The following SLC25A1 variants were observed in gnomAD, a reference collection of about 807,000 sequenced individuals.
SLC25A1 encodes the protein tricarboxylate transport protein, mitochondrial.
SLC25A1 carries 26 observed loss-of-function variants against 38.1 expected under a neutral mutation model. That is an observed-to-expected ratio of 0.68 (90% CI 0.50 to 0.95). SLC25A1 has a LOEUF of 0.95. Among genes scored for constraint, SLC25A1 ranks in the 40% least tolerant of loss-of-function variants. SLC25A1 has a pLI of 0.00. For synonymous variants in SLC25A1, 211 were observed against 183.2 expected, an observed-to-expected ratio of 1.15 and a Z score of -1.23; for missense variants, 378 against 426.6, an observed-to-expected ratio of 0.89 and a Z score of 1.00.
chr22:19,176,872 A>G lies in SLC25A1; in HGVS notation c.605T>C (p.Met202Thr), dbSNP rs782335811. 11 of 1,613,752 alleles carry G rather than the reference A, an allele frequency of 6.8e-6. No individual in the cohort carries two copies. The highest frequency in any genetic ancestry group is 7.6e-6 in the Non-Finnish European group (9 of 1,179,998). Reference protein sequence around the residue: ...GSNQAIRFFVMTSLRNWYRGD... With the variant: ...GSNQAIRFFVTTSLRNWYRGD... ...TCGGTACCAGTTGCGCAGGGAGGTCATGACGAAGAAGCGGATGGCCTGGTT... is the reference window on the plus strand; with the variant it reads ...TCGGTACCAGTTGCGCAGGGAGGTCGTGACGAAGAAGCGGATGGCCTGGTT... Residue 202 changes from methionine to threonine, a missense_variant, in exon 6 of 9, where the codon ATG becomes ACG. By Grantham distance (81) the Met-to-Thr change is moderately conservative. Transcript: ENST00000215882.
In SLC25A1 at chr22:19,178,541, G is replaced by C. The variant is rs1243758854; in HGVS notation, c.94+39C>G. ...CTCAGCGTCCCGGGCCCACCCAGAA[G>C]CGCGGCGGGAGAGGGGTCCGCGTCC... On this transcript the variant is annotated intron_variant, in intron 1 of 8. Coordinates refer to ENST00000215882, the MANE Select transcript of SLC25A1 (RefSeq NM_005984.5). The surrounding 1 kb of genome is among the most constrained non-coding windows in gnomAD (Gnocchi z 4.9). The C allele has an allele frequency of 5.5e-6, 7 of 1,264,368 alleles. No homozygotes were observed. In the African/African-American group the frequency reaches 7.8e-5, roughly 14 times the overall value. The allele number at this position is 1,264,368 out of a possible 1,614,324, so 78.3% of individuals were successfully genotyped here. A position where few individuals can be genotyped will look rare whatever the true frequency, so the allele number is the denominator to read the frequency against.
intron 5 of SLC25A1, 65 bp downstream of exon 5, chr22:19,177,055 A>T: frequency 6.3e-7 from 1 of 1,579,380 alleles, no homozygotes. Context: ...GCAGGATGGG[A>T]GGTGCAGGCC....
At chr22:19,177,294 G>A in intron 4 of SLC25A1, 90 bp from the exon 5 acceptor site, 1 of 1,019,052 alleles carries the variant, frequency 9.8e-7, no homozygotes, top group Non-Finnish European at 1.5e-6. Flanking sequence ...CCAGGGTGGA[G>A]GGAACTGGGA....
rs1301368935 is a variant in SLC25A1, at chr22:19,178,577, C to G, written c.94+3G>C. On this transcript the variant is annotated splice_donor_region_variant and intron_variant, in intron 1 of 8. Transcript: ENST00000215882. The surrounding 1 kb of genome is among the most constrained non-coding windows in gnomAD (Gnocchi z 4.9). ...GAGGGGTCCGCGTCCCGGAGGGGCCCACCTGCCAGGATCGCCTTCCCCGGG... is the reference window on the plus strand; with the variant it reads ...GAGGGGTCCGCGTCCCGGAGGGGCCGACCTGCCAGGATCGCCTTCCCCGGG... 2.4e-6 allele frequency: 3 copies of G among 1,226,086 alleles called. No homozygotes were observed. Among genetic ancestry groups the G allele is most frequent in the Non-Finnish European group, 3.0e-6 (3 of 983,684 alleles). The allele number at this position is 1,226,086 out of a possible 1,614,324, so 76.0% of individuals were successfully genotyped here. A position where few individuals can be genotyped will look rare whatever the true frequency, so the allele number is the denominator to read the frequency against.
rs186667801 is a variant in SLC25A1, at chr22:19,177,438, T to C, written c.442-234A>G. Among the ~76,000 whole-genome samples, 425 of 152,292 alleles carry C rather than the reference T, an allele frequency of 2.8e-3. 1 individual carries two copies. The highest frequency in any genetic ancestry group is 9.8e-3 in the African/African-American group (407 of 41,566). ...GCCCTGTGAGCAGCCTCTCCCTTTA[T>C]GTTTGCTGCTCTTTTCCAGTTTTGG... On this transcript the variant is annotated intron_variant, in intron 4 of 8. Coordinates refer to ENST00000215882, the MANE Select transcript of SLC25A1 (RefSeq NM_005984.5).
Position 19,176,603 on chromosome 22 carries a change from AGAG to A in SLC25A1, c.719_721del (p.Pro240del). 6.2e-7 allele frequency: 1 copy of A among 1,613,760 alleles called. No homozygotes were observed. The highest frequency in any genetic ancestry group is 8.5e-7 in the Non-Finnish European group (1 of 1,179,896). On this transcript the variant is annotated inframe_deletion, in exon 7 of 9. Coordinates refer to ENST00000215882, the MANE Select transcript of SLC25A1 (RefSeq NM_005984.5). ...CTGCATCCGGGTCTTAATCACATCC[AGAG>A]GAGTGTTTCCAAAGACACTGGCTGC...
chr22:19,175,987 A>T lies in SLC25A1; in HGVS notation c.*143T>A, dbSNP rs536207008. ...ACCACAGGGGGGACACATGGATTTG[A>T]CAGCCACAATGCACAGACCAGGCTA... On this transcript the variant is annotated 3_prime_UTR_variant, in exon 9 of 9. Transcript: ENST00000215882. 13 of 567,440 alleles carry T rather than the reference A, an allele frequency of 2.3e-5. No homozygotes were observed. The East Asian group carries it at 4.7e-4, about 21-fold the overall frequency. 35.2% of individuals were successfully genotyped at this position (567,440 alleles called of 1,614,324 possible). A position where few individuals can be genotyped will look rare whatever the true frequency, so the allele number is the denominator to read the frequency against.
rs2084007141 is a variant in SLC25A1, at chr22:19,178,405, C to T, written c.95-165G>A. 1.4e-6 allele frequency: 2 copies of T among 1,390,734 alleles called. No homozygotes were observed. The highest frequency in any genetic ancestry group is 1.9e-6 in the Non-Finnish European group (2 of 1,076,974). 86.1% of individuals were successfully genotyped at this position (1,390,734 alleles called of 1,614,324 possible). A position where few individuals can be genotyped will look rare whatever the true frequency, so the allele number is the denominator to read the frequency against. On this transcript the variant is annotated intron_variant, in intron 1 of 8. Coordinates refer to ENST00000215882, the MANE Select transcript of SLC25A1 (RefSeq NM_005984.5). This position sits in a 1 kb window ranked among gnomAD's most constrained non-coding sequence, Gnocchi z 4.9. ...CCCTCACCCCGTTGTCCCGGCGAGG[C>T]GCAGGGGGTGACAGACGGGAGGCGG...
In SLC25A1 at chr22:19,176,805, C is replaced by T. The variant is rs781960133; in HGVS notation, c.631+41G>A. 1.7e-5 allele frequency: 28 copies of T among 1,605,806 alleles called. No homozygotes were observed. In the South Asian group the frequency reaches 3.1e-4, roughly 18 times the overall value. On this transcript the variant is annotated intron_variant, in intron 6 of 8. Coordinates refer to ENST00000215882, the MANE Select transcript of SLC25A1 (RefSeq NM_005984.5). Reference sequence around the variant, plus strand: ...GGTGGCCCCAAGGAGAGGAGAGGAGCTGGCCATGTGCAGAGATGGGGCCCT... The same window carrying T: ...GGTGGCCCCAAGGAGAGGAGAGGAGTTGGCCATGTGCAGAGATGGGGCCCT...
rs575420790 is a variant in SLC25A1, at chr22:19,176,213, G to T, written c.853C>A (p.Arg285=). The part of the protein sequence containing the change: ...FYKGTVPRLG[R]VCLDVAIVFV... ...ACTATGGCCACATCCAGGCAGACCC[G>T]GCCCAGGCGGGGGACAGTGCCCTTG... The change falls in exon 9 of 9, where the codon CGG becomes AGG. Residue 285 remains arginine, a synonymous_variant. Transcript: ENST00000215882. 16 of 1,613,380 alleles carry T rather than the reference G, an allele frequency of 9.9e-6. No individual in the cohort carries two copies. The highest frequency in any genetic ancestry group is 7.7e-5 in the South Asian group (7 of 91,080).
chr22:19,176,542 G>A (rs1411191068), intron 7 of SLC25A1, 36 bp downstream of exon 7: 12 of 1,611,276 alleles, frequency 7.4e-6, no homozygotes, highest in Non-Finnish European at 1.0e-5. Flanking sequence ...GCTCTGGCCT[G>A]GTCCCCCCTT....
Position 19,178,334 on chromosome 22 carries a change from G to A in SLC25A1, c.95-94C>T. 4.0e-6 allele frequency: 6 copies of A among 1,513,024 alleles called. No individual in the cohort carries two copies. The highest frequency in any genetic ancestry group is 2.5e-5 in the South Asian group (2 of 79,198). The allele number at this position is 1,513,024 out of a possible 1,614,324, so 93.7% of individuals were successfully genotyped here. ...CCGGACTTCGGTCGGCGCGGCCGCC[G>A]CGCCAGTGCCGCGGGGAACATAGGC... is the stretch of plus-strand genomic sequence containing the variant. On this transcript the variant is annotated intron_variant, in intron 1 of 8. Transcript: ENST00000215882. The surrounding 1 kb of genome is among the most constrained non-coding windows in gnomAD (Gnocchi z 4.9).
At chr22:19,177,337 G>A (rs1601399380) in intron 4 of SLC25A1, 133 bp from the exon 5 acceptor site, 3 of 697,802 alleles carry the variant, frequency 4.3e-6, no homozygotes, top group South Asian at 3.6e-5. Flanking sequence ...AGCCAAGGCC[G>A]CCCTGGGCTG....
In SLC25A1 at chr22:19,176,411, C is replaced by G. The variant is rs1555922274; in HGVS notation, c.821+10G>C. 3 of 1,613,180 alleles carry G rather than the reference C, an allele frequency of 1.9e-6. No homozygotes were observed. The highest frequency in any genetic ancestry group is 2.5e-6 in the Non-Finnish European group (3 of 1,179,662). On this transcript the variant is annotated intron_variant, in intron 8 of 8. Coordinates refer to ENST00000215882, the MANE Select transcript of SLC25A1 (RefSeq NM_005984.5). ...GGTGGGGACAATAGCCCTGCCCCTCCCCCACTCACGCCTTGAGCCCCTCCT... is the reference window on the plus strand; with the variant it reads ...GGTGGGGACAATAGCCCTGCCCCTCGCCCACTCACGCCTTGAGCCCCTCCT...
chr22:19,177,285 C>T (rs2083975901), intron 4 of SLC25A1, 81 bp from the exon 5 acceptor site: 1 of 1,187,550 alleles, frequency 8.4e-7, no homozygotes, highest in Non-Finnish European at 1.2e-6. Flanking sequence ...AGGGCCCATC[C>T]AGGGTGGAGG....
chr22:19,177,713 A>G lies in SLC25A1; in HGVS notation c.441+14T>C. 3 of 1,605,674 alleles carry G rather than the reference A, an allele frequency of 1.9e-6. No individual in the cohort carries two copies. Among genetic ancestry groups the G allele is most frequent in the Non-Finnish European group, 2.5e-6 (3 of 1,179,380 alleles). Reference sequence around the variant, plus strand: ...TCCCTGCGTGTCCGGGGTCCTCGCCAGGACCTTCCCCACCTTGATGGTCTC... The same window carrying G: ...TCCCTGCGTGTCCGGGGTCCTCGCCGGGACCTTCCCCACCTTGATGGTCTC... On this transcript the variant is annotated intron_variant, in intron 4 of 8. Coordinates refer to ENST00000215882, the MANE Select transcript of SLC25A1 (RefSeq NM_005984.5).
intron 4 of SLC25A1, 77 bp downstream of exon 4, chr22:19,177,650 C>A: frequency 2.5e-6 from 4 of 1,580,148 alleles, no homozygotes; most frequent in Non-Finnish European, 3.4e-6. Flanking sequence ...CCGGTTGCCC[C>A]GGGAGCACCG....
In SLC25A1 at chr22:19,177,292, G is replaced by A. The variant is rs116011443; in HGVS notation, c.442-88C>T. On this transcript the variant is annotated intron_variant, in intron 4 of 8. Coordinates refer to ENST00000215882, the MANE Select transcript of SLC25A1 (RefSeq NM_005984.5). ...GCAGGCCCAGGGCCCATCCAGGGTG[G>A]AGGGAACTGGGAACTCTTCCCCAGG... 2.3e-3 allele frequency: 2,534 copies of A among 1,092,044 alleles called. 34 individuals carry two copies. In the African/African-American group the frequency reaches 0.034, roughly 15 times the overall value. 67.6% of individuals were successfully genotyped at this position (1,092,044 alleles called of 1,614,324 possible). A position where few individuals can be genotyped will look rare whatever the true frequency, so the allele number is the denominator to read the frequency against.
rs782665361 is a variant in SLC25A1, at chr22:19,176,708, G to A, written c.632-15C>T. 3.1e-6 allele frequency: 5 copies of A among 1,609,146 alleles called. No individual in the cohort carries two copies. In the Admixed American group the frequency reaches 6.7e-5, roughly 21 times the overall value. ...GGGGTTGTCCCCTGGATATAGGAGG[G>A]GTGAGGTGGGTCAGAGGGTGCCGGG... On this transcript the variant is annotated splice_polypyrimidine_tract_variant and intron_variant, in intron 6 of 8. Transcript: ENST00000215882.
Sources: gnomAD v4.1 joint callset for allele counts (sites outside exome capture counted in the v4.1 genomes callset) on GRCh38, gnomAD v4.1.1 for gene constraint, Gnocchi (gnomAD v3.1) non-coding constraint, MANE v1.5 for transcripts, NCBI Gene and HGNC (gene_info 2026-07-23, HGNC 2026-07-21) for gene names.